Variants in CYP3A4 observed in about 807,000 individuals in gnomAD.
CYP3A4 encodes cytochrome P450 family 3 subfamily A member 4.
A neutral mutation model predicts 54.9 loss-of-function variants in CYP3A4; 41 were observed. The observed-to-expected ratio is 0.75, with a 90% CI of 0.58 to 0.97. CYP3A4 has a LOEUF of 0.97. Ranked by LOEUF, CYP3A4 falls within the 50% of genes least tolerant of loss-of-function variation. The probability of loss-of-function intolerance (pLI) is 0.00; values close to 1 mark genes in which losing one functional copy is unlikely to be tolerated. For synonymous variants in CYP3A4, 179 were observed against 205.2 expected, an observed-to-expected ratio of 0.87 and a Z score of 1.09; for missense variants, 510 against 597.3, an observed-to-expected ratio of 0.85 and a Z score of 1.52.
intron 4 of CYP3A4, 125 bp downstream of exon 4, chr7:99,772,465 G>A (rs1815659037): frequency 4.4e-6 from 5 of 1,136,670 alleles, no homozygotes; most frequent in African/African-American, 1.6e-5. Context: ...CATTCGGGGG[G>A]GACAGGATGA....
chr7:99,773,129 C>A (rs1815677398), intron 3 of CYP3A4, among the ~76,000 whole-genome samples: 1 of 152,026 alleles, frequency 6.6e-6, no homozygotes, highest in Admixed American at 6.6e-5. Flanking sequence ...GGGATCAATA[C>A]AACAGGAAGA....
chr7:99,780,000 A>G lies in CYP3A4; in HGVS notation c.157T>C (p.Tyr53His), dbSNP rs746675088. The change falls in exon 2 of 13, where the codon TAC (tyrosine) becomes CAC (histidine). Residue 53 changes from tyrosine to histidine, a missense_variant. Physicochemically the swap from Tyr to His is moderately conservative, Grantham distance 83. Transcript: ENST00000651514. ...PLPFLGNILS[Y>H]HKGFCMFDME... ...AGCTCAAAAACACTCACCTTATGGT[A>G]GGACAAAATATTTCCCAAAAAAGGC... is the stretch of plus-strand genomic sequence containing the variant. The G allele has an allele frequency of 1.2e-6, 2 of 1,613,058 alleles. No individual in the cohort carries two copies.
At chr7:99,764,088 C>T (rs1480265100) in intron 9 of CYP3A4, 73 bp from the exon 10 acceptor site, 2 of 1,601,804 alleles carry the variant, frequency 1.2e-6, no homozygotes, top group Non-Finnish European at 1.7e-6. Context: ...GAAGAGAAAT[C>T]TAAGTGAAGC....
intron 9 of CYP3A4, 71 bp from the exon 10 acceptor site, chr7:99,764,086 A>G: frequency 6.2e-7 from 1 of 1,603,810 alleles, no homozygotes; most frequent in Admixed American, 1.7e-5. Flanking sequence ...ATGAAGAGAA[A>G]TCTAAGTGAA....
Position 99,773,926 on chromosome 7 carries a change from G to A in CYP3A4, c.219-1237C>T, listed in dbSNP as rs573604531. Among the ~76,000 whole-genome samples the A allele has an allele frequency of 5.9e-5, 9 of 151,834 alleles. No homozygotes were observed. In the South Asian group the frequency reaches 1.5e-3, roughly 25 times the overall value. On this transcript the variant is annotated intron_variant, in intron 3 of 12. Coordinates refer to ENST00000651514, the MANE Select transcript of CYP3A4 (RefSeq NM_017460.6). The stretch of plus-strand genomic sequence containing the variant: ...TCCAGGAGCTGGTTTTTTGAAAAAG[G>A]TCAACAAAATAGATAGACTGCTAGC...
chr7:99,767,192 G>A lies in CYP3A4; in HGVS notation c.737C>T (p.Thr246Ile). 6.2e-7 allele frequency: 1 copy of A among 1,611,442 alleles called. No individual in the cohort carries two copies. Among genetic ancestry groups the A allele is most frequent in the Non-Finnish European group, 8.5e-7 (1 of 1,178,450 alleles). ...LNICVFPREV[T>I]NFLRKSVKRM... ...TTTTACAGATTTTCTTAAAAAATTT[G>A]TAACTTCTCTTGGAAACACACAGAT... Residue 246 changes from threonine (T) to isoleucine (I), a missense_variant, in exon 8 of 13, where the codon ACA becomes ATA. Thr to Ile is a moderately conservative substitution (Grantham distance 89). Coordinates refer to ENST00000651514, the MANE Select transcript of CYP3A4 (RefSeq NM_017460.6).
intron 3 of CYP3A4, among the ~76,000 whole-genome samples, chr7:99,777,331 G>C (rs1263143536): frequency 6.6e-6 from 1 of 152,142 alleles, no homozygotes; most frequent in Non-Finnish European, 1.5e-5. Context: ...CCAAAGTCTG[G>C]AGAAAAGTAA....
In CYP3A4 at chr7:99,776,347, T is replaced by C. The variant is rs561002658; in HGVS notation, c.218+1681A>G. Among the ~76,000 whole-genome samples, 9 of 152,314 alleles carry C rather than the reference T, an allele frequency of 5.9e-5. No homozygotes were observed. In the South Asian group the frequency reaches 6.2e-4, roughly 11 times the overall value. On this transcript the variant is annotated intron_variant, in intron 3 of 12. Coordinates refer to ENST00000651514, the MANE Select transcript of CYP3A4 (RefSeq NM_017460.6). ...GACCCAGCAATCCCATTACTGGGCA[T>C]ATACCCAAAGCATAAATCATTCTAT...
chr7:99,768,619 A>C (rs1815544360), intron 6 of CYP3A4, 117 bp from the exon 7 acceptor site: 1 of 1,571,820 alleles, frequency 6.4e-7, no homozygotes. Context: ...ACAGACTTTC[A>C]GATCTACTAG....
intron 9 of CYP3A4, 31 bp downstream of exon 9, chr7:99,766,346 C>T: frequency 1.2e-6 from 2 of 1,612,202 alleles, no homozygotes; most frequent in Non-Finnish European, 1.7e-6. Flanking sequence ...CTGAGTGCCC[C>T]ACAAGTAGCC....
In CYP3A4 at chr7:99,763,899, G is replaced by A; in HGVS notation, c.982C>T (p.Gln328Ter). 2.5e-6 allele frequency: 4 copies of A among 1,613,994 alleles called. No homozygotes were observed. Among genetic ancestry groups the A allele is most frequent in the Non-Finnish European group, 3.4e-6 (4 of 1,179,966 alleles). Residue 328 changes from glutamine (Q) to a stop codon, truncating the protein, a stop_gained, in exon 10 of 13, where the codon CAG becomes TAG. Transcript: ENST00000651514. LOFTEE classifies it high-confidence loss of function. ...MYELATHPDV[Q>*]QKLQEEIDAV... The stretch of plus-strand genomic sequence containing the variant: ...TCAATTTCCTCCTGCAGTTTCTGCT[G>A]GACATCAGGGTGAGTGGCCAGTTCA...
intron 1 of CYP3A4, among the ~76,000 whole-genome samples, chr7:99,782,803 G>A (rs1052011323): frequency 3.9e-5 from 6 of 152,076 alleles, no homozygotes; most frequent in African/African-American, 1.2e-4. Context: ...GTTTGAAATA[G>A]GGGTATTAAA....
intron 9 of CYP3A4, among the ~76,000 whole-genome samples, chr7:99,765,055 A>G (rs1250089980): frequency 6.7e-6 from 1 of 149,654 alleles, no homozygotes; most frequent in Non-Finnish European, 1.5e-5. Flanking sequence ...CAGAGCTGTG[A>G]TTTACCAGTG....
chr7:99,771,924 T>C (rs765756483), intron 4 of CYP3A4, among the ~76,000 whole-genome samples: 4 of 152,076 alleles, frequency 2.6e-5, no homozygotes, highest in Non-Finnish European at 5.9e-5. Flanking sequence ...TCATACCTTA[T>C]ACAAAAAATA....
intron 6 of CYP3A4, among the ~76,000 whole-genome samples, chr7:99,769,356 CAA>C (rs1268187525): frequency 1.3e-5 from 2 of 152,110 alleles, no homozygotes; most frequent in Admixed American, 1.3e-4. Context: ...ATGAAATGAT[CAA>C]AGTTATTCTA....
At chr7:99,779,165 T>C (rs1355759814) in intron 2 of CYP3A4, among the ~76,000 whole-genome samples, 1 of 152,188 alleles carries the variant, frequency 6.6e-6, no homozygotes, top group Non-Finnish European at 1.5e-5. Context: ...CAAAATTAAA[T>C]ATTTAATAAT....
intron 1 of CYP3A4, among the ~76,000 whole-genome samples, chr7:99,782,848 T>C (rs1815961091): frequency 6.6e-6 from 1 of 152,182 alleles, no homozygotes; most frequent in Non-Finnish European, 1.5e-5. Context: ...AAAAGATATA[T>C]GCAATCTTGT....
At chr7:99,766,329 CT>C (rs755288063) in intron 9 of CYP3A4, 47 bp downstream of exon 9, 1 of 1,600,772 alleles carries the variant, frequency 6.2e-7, no homozygotes, top group East Asian at 2.2e-5. Flanking sequence ...AGAACAAGGC[CT>C]TCCCTCTGAG....
In CYP3A4 at chr7:99,784,029, C is replaced by A; in HGVS notation, c.53G>T (p.Ser18Ile). 3 of 1,613,844 alleles carry A rather than the reference C, an allele frequency of 1.9e-6. No individual in the cohort carries two copies. Among genetic ancestry groups the A allele is most frequent in the Non-Finnish European group, 2.5e-6 (3 of 1,179,844 alleles). The change falls in exon 1 of 13, where the codon AGC becomes ATC. Residue 18 changes from serine to isoleucine, a missense_variant. This residue lies in a region of CYP3A4 where 272 missense variants were observed against 274.9 expected (regional missense o/e 0.99). Coordinates refer to ENST00000651514, the MANE Select transcript of CYP3A4 (RefSeq NM_017460.6). ...TACTCACAGATAGAGGAGCACCAGG[C>A]TGACAGCCAGGAGAAGCCAGGTTTC... ...AMETWLLLAV[S>I]LVLLYLYGTH...
Sources: allele counts gnomAD v4.1 joint callset (sites outside exome capture counted in the v4.1 genomes callset), GRCh38; gene constraint gnomAD v4.1.1; regional missense constraint gnomAD v4.1.1; transcripts MANE v1.5; gene names NCBI Gene and HGNC (gene_info 2026-07-23, HGNC 2026-07-21).